The following TRIM36 variants were observed in gnomAD, a reference collection of about 807,000 sequenced individuals.
The protein encoded by TRIM36 is E3 ubiquitin-protein ligase TRIM36.
A neutral mutation model predicts 72.4 loss-of-function variants in TRIM36; 42 were observed. The observed-to-expected ratio is 0.58, with a 90% CI of 0.45 to 0.75. TRIM36 has a LOEUF of 0.75. TRIM36 is among the 30% of genes least tolerant of loss of function. The pLI is 0.00. For missense variants in TRIM36, 913 were observed against 857.1 expected (o/e 1.07, Z -0.81); for synonymous variants, 315 against 282.8 (o/e 1.11, Z -1.14).
intron 1 of TRIM36, among the ~76,000 whole-genome samples, chr5:115,168,601 T>C (rs753206736): frequency 6.6e-6 from 1 of 152,350 alleles, no homozygotes; most frequent in East Asian, 1.9e-4. Flanking sequence ...ACTGGTTTTA[T>C]CATTGTCAGT....
chr5:115,165,237 C>T (rs1432966830), intron 1 of TRIM36, among the ~76,000 whole-genome samples: 1 of 152,178 alleles, frequency 6.6e-6, no homozygotes. Flanking sequence ...GACCATGGTC[C>T]TCTTCTCAGA....
intron 9 of TRIM36, among the ~76,000 whole-genome samples, chr5:115,128,993 AT>A: frequency 6.6e-6 from 1 of 151,866 alleles, no homozygotes; most frequent in Admixed American, 6.6e-5. Flanking sequence ...GAAGTATACA[AT>A]TTTTTATCTT....
Position 115,137,467 on chromosome 5 carries a change from G to GAAGTC in TRIM36, c.980_981insGACTT (p.Tyr327Ter). ...GTCCATTGTTCTCTAGAAGTCCCTG[G>GAAGTC]TACTCTTCCATTTGAGTCTGAAATT... is the stretch of plus-strand genomic sequence containing the variant. On this transcript the variant is annotated stop_gained and frameshift_variant, in exon 6 of 10. Transcript: ENST00000513154. LOFTEE classifies it high-confidence loss of function. The GAAGTC allele has an allele frequency of 6.2e-7, 1 of 1,614,068 alleles. No individual in the cohort carries two copies. The highest frequency in any genetic ancestry group is 8.5e-7 in the Non-Finnish European group (1 of 1,180,006).
intron 1 of TRIM36, among the ~76,000 whole-genome samples, chr5:115,175,810 T>C (rs1356341300): frequency 6.6e-6 from 1 of 152,152 alleles, no homozygotes; most frequent in African/African-American, 2.4e-5. Flanking sequence ...TTTCAATACA[T>C]ATATTTAAAA....
At chr5:115,166,956 C>A (rs1754811195) in intron 1 of TRIM36, among the ~76,000 whole-genome samples, 1 of 152,192 alleles carries the variant, frequency 6.6e-6, no homozygotes, top group Non-Finnish European at 1.5e-5. Flanking sequence ...GCACACTGTA[C>A]CCCGCGCTCG....
intron 7 of TRIM36, among the ~76,000 whole-genome samples, chr5:115,136,545 C>A (rs749648625): frequency 6.6e-6 from 1 of 151,928 alleles, no homozygotes; most frequent in Non-Finnish European, 1.5e-5. Context: ...GGCTTCTGTC[C>A]AAGAAACTCA....
upstream of TRIM36, among the ~76,000 whole-genome samples, chr5:115,172,088 G>A (rs745408811): frequency 6.6e-6 from 1 of 152,098 alleles, no homozygotes; most frequent in Non-Finnish European, 1.5e-5. Flanking sequence ...CCTCAAATAT[G>A]TTCAAAGTTT....
chr5:115,142,264 C>T (rs1044033941), intron 4 of TRIM36, among the ~76,000 whole-genome samples: 1 of 152,078 alleles, frequency 6.6e-6, no homozygotes, highest in East Asian at 1.9e-4. Context: ...ATTCCACAGG[C>T]TGAGAGGTAC....
chr5:115,137,739 A>G, intron 5 of TRIM36, 123 bp from the exon 6 acceptor site: 1 of 1,154,068 alleles, frequency 8.7e-7, no homozygotes, highest in Non-Finnish European at 1.2e-6. Flanking sequence ...TGACAGCATT[A>G]TCAAAATTTG....
At chr5:115,136,610 A>G (rs1015239877) in intron 7 of TRIM36, among the ~76,000 whole-genome samples, 2 of 152,194 alleles carry the variant, frequency 1.3e-5, no homozygotes, top group African/African-American at 4.8e-5. Flanking sequence ...GTTGCTCATA[A>G]AAGAGGAAAA....
chr5:115,159,268 A>G (rs1049848023), intron 2 of TRIM36, among the ~76,000 whole-genome samples: 2 of 152,238 alleles, frequency 1.3e-5, no homozygotes, highest in South Asian at 2.1e-4. Flanking sequence ...TTTTCAATAC[A>G]TAAGAAAGCA....
At position 115,126,461 on chromosome 5, in the gene TRIM36, T is replaced by G. The variant is rs1212818827; in HGVS notation, c.*42A>C. ...ACGAAGGTTAACGCTAAGGCATTGC[T>G]TTGTTTACAGTTTTTATCCTGAGTC... is the stretch of plus-strand genomic sequence containing the variant. On this transcript the variant is annotated 3_prime_UTR_variant, in exon 10 of 10. Coordinates refer to ENST00000513154, the MANE Select transcript of TRIM36 (RefSeq NM_001300759.2). 8 of 1,528,754 alleles carry G rather than the reference T, an allele frequency of 5.2e-6. No homozygotes were observed. Among genetic ancestry groups the G allele is most frequent in the Non-Finnish European group, 7.2e-6 (8 of 1,118,058 alleles). The allele number at this position is 1,528,754 out of a possible 1,614,324, so 94.7% of individuals were successfully genotyped here. A position where few individuals can be genotyped will look rare whatever the true frequency, so the allele number is the denominator to read the frequency against.
rs375562920 is a variant in TRIM36 at position 115,126,463 on chromosome 5, T to C, written c.*40A>G. 2.7e-5 allele frequency: 41 copies of C among 1,534,578 alleles called. No individual in the cohort carries two copies. In the African/African-American group the frequency reaches 2.7e-4, roughly 10 times the overall value. On this transcript the variant is annotated 3_prime_UTR_variant, in exon 10 of 10. Transcript: ENST00000513154. ...GAAGGTTAACGCTAAGGCATTGCTT[T>C]GTTTACAGTTTTTATCCTGAGTCAC...
chr5:115,130,602 C>G lies in TRIM36; in HGVS notation c.1786G>C (p.Val596Leu). Residue 596 changes from valine (V) to leucine (L), a missense_variant, in exon 9 of 10, where the codon GTT becomes CTT. Val to Leu is a conservative substitution (Grantham distance 32). Coordinates refer to ENST00000513154, the MANE Select transcript of TRIM36 (RefSeq NM_001300759.2). ...QEWLRSPRDA[V>L]SPRYEQDSGH... ...AATACAAAAACCTACCTTGGACTAA[C>G]TGCATCCCGGGGAGAACGGAGCCAT... The G allele has an allele frequency of 6.2e-7, 1 of 1,613,724 alleles. No homozygotes were observed. The highest frequency in any genetic ancestry group is 8.5e-7 in the Non-Finnish European group (1 of 1,179,726).
At position 115,169,769 on chromosome 5, in the gene TRIM36, C is replaced by G; in HGVS notation, c.-135G>C. On this transcript the variant is annotated 5_prime_UTR_variant, in exon 1 of 10. Coordinates refer to ENST00000513154, the MANE Select transcript of TRIM36 (RefSeq NM_001300759.2). The stretch of plus-strand genomic sequence containing the variant: ...CTGGAAGATGAGCTGGTCAGCTGTA[C>G]GTGGCCAGCGGACCGACGCGGGGAG... The G allele has an allele frequency of 7.5e-6, 10 of 1,339,162 alleles. No individual in the cohort carries two copies. Among genetic ancestry groups the G allele is most frequent in the Non-Finnish European group, 9.6e-6 (10 of 1,036,410 alleles). The allele number at this position is 1,339,162 out of a possible 1,614,324, so 83.0% of individuals were successfully genotyped here. A position where few individuals can be genotyped will look rare whatever the true frequency, so the allele number is the denominator to read the frequency against.
At chr5:115,177,976 C>T (rs560962972) in intron 1 of TRIM36, 8 of 1,188,100 alleles carry the variant, frequency 6.7e-6, no homozygotes, top group Non-Finnish European at 9.7e-6. Flanking sequence ...CTGTGATGAA[C>T]CCATTGGTAT....
At chr5:115,153,283 A>G (rs530069596) in intron 2 of TRIM36, among the ~76,000 whole-genome samples, 1 of 152,228 alleles carries the variant, frequency 6.6e-6, no homozygotes, top group South Asian at 2.1e-4. Flanking sequence ...CAATTTAAAA[A>G]GACAAAGAAG....
chr5:115,144,533 G>A, intron 4 of TRIM36, 65 bp downstream of exon 4: 1 of 1,586,442 alleles, frequency 6.3e-7, no homozygotes, highest in South Asian at 1.1e-5. Context: ...TTTTATAAAT[G>A]AAAAGTTAAA....
In TRIM36 at chr5:115,143,633, AAAAGTTTGCATATATGCAATT is replaced by A. The variant is rs544547769; in HGVS notation, c.735+944_735+964del. Among the ~76,000 whole-genome samples, 1,339 of 152,336 alleles carry A rather than the reference AAAAGTTTGCATATATGCAATT, an allele frequency of 8.8e-3. 18 individuals are homozygous for A. Among genetic ancestry groups the A allele is most frequent in the African/African-American group, 0.031 (1,297 of 41,562 alleles). On this transcript the variant is annotated intron_variant, in intron 4 of 9. Transcript: ENST00000513154. ...AACATAAATATAAAATGCAAAACAC[AAAAGTTTGCATATATGCAATT>A]AGACAGAGGCAAAAAAATGCATACA... is the stretch of plus-strand genomic sequence containing the variant.
Sources: gnomAD v4.1 joint callset for allele counts (sites outside exome capture counted in the v4.1 genomes callset) on GRCh38, gnomAD v4.1.1 for gene constraint, MANE v1.5 for transcripts, NCBI Gene and HGNC (gene_info 2026-07-23, HGNC 2026-07-21) for gene names.